PLEKHM3: variants seen among roughly 807,000 people sequenced by gnomAD.
PLEKHM3 encodes the protein pleckstrin homology domain containing M3.
A neutral mutation model predicts 81.8 loss-of-function variants in PLEKHM3; 45 were observed. That is an observed-to-expected ratio of 0.55 (90% CI 0.43 to 0.71). The LOEUF (loss-of-function observed/expected upper bound fraction) is 0.71. Ranked by LOEUF, PLEKHM3 falls within the 30% of genes least tolerant of loss-of-function variation. The pLI is 0.00. For missense variants in PLEKHM3, 788 were observed against 924.3 expected, an observed-to-expected ratio of 0.85 and a Z score of 1.91; for synonymous variants, 352 against 356.4, an observed-to-expected ratio of 0.99 and a Z score of 0.14.
At chr2:207,874,279 A>C (rs982438302) in intron 6 of PLEKHM3, among the ~76,000 whole-genome samples, 9 of 152,076 alleles carry the variant, frequency 5.9e-5, no homozygotes, top group Non-Finnish European at 1.2e-4. Flanking sequence ...CATCTCATAA[A>C]AACTGTATTT....
chr2:207,985,030 T>C (rs551195024), intron 2 of PLEKHM3, among the ~76,000 whole-genome samples: 1 of 152,266 alleles, frequency 6.6e-6, no homozygotes, highest in Non-Finnish European at 1.5e-5. Flanking sequence ...TTGTCCCACT[T>C]CTACGGATGT....
At chr2:207,979,210 G>C (rs201181762) in intron 2 of PLEKHM3, among the ~76,000 whole-genome samples, 1 of 152,162 alleles carries the variant, frequency 6.6e-6, no homozygotes, top group Non-Finnish European at 1.5e-5. Context: ...ATTATCACTT[G>C]AGAGATTTCC....
At chr2:207,866,137 T>A (rs1332315799) in intron 6 of PLEKHM3, among the ~76,000 whole-genome samples, 1 of 151,990 alleles carries the variant, frequency 6.6e-6, no homozygotes, top group Non-Finnish European at 1.5e-5. Flanking sequence ...TCACATACCA[T>A]CTCTTCCCTC....
chr2:208,005,283 T>G (rs1017980641), intron 1 of PLEKHM3, among the ~76,000 whole-genome samples: 1 of 152,230 alleles, frequency 6.6e-6, no homozygotes, highest in Non-Finnish European at 1.5e-5. Flanking sequence ...AAGTCTATAC[T>G]TTTTTCAGAA....
intron 1 of PLEKHM3, among the ~76,000 whole-genome samples, chr2:208,022,009 A>G (rs978071941): frequency 2.6e-5 from 4 of 152,322 alleles, no homozygotes; most frequent in Non-Finnish European, 5.9e-5. Context: ...TTTGAACATT[A>G]ACTTTTAAAA....
At chr2:207,898,098 C>A (rs1052522803) in intron 6 of PLEKHM3, among the ~76,000 whole-genome samples, 6 of 152,190 alleles carry the variant, frequency 3.9e-5, no homozygotes, top group Admixed American at 6.5e-5. Context: ...CTAACACTAA[C>A]CTCCAAATTC....
At chr2:207,954,681 GT>G (rs1690447494) in intron 3 of PLEKHM3, among the ~76,000 whole-genome samples, 2 of 152,188 alleles carry the variant, frequency 1.3e-5, no homozygotes, top group Non-Finnish European at 2.9e-5. Context: ...AGTTATTTGG[GT>G]TTTCCCCCTC....
chr2:207,901,739 C>T (rs1162306487), intron 6 of PLEKHM3, among the ~76,000 whole-genome samples: 1 of 152,210 alleles, frequency 6.6e-6, no homozygotes, highest in Non-Finnish European at 1.5e-5. Flanking sequence ...AACCCACTTG[C>T]TTAAAAGGCA....
chr2:207,910,402 CAGG>C (rs1484510847), intron 5 of PLEKHM3, among the ~76,000 whole-genome samples: 1 of 152,208 alleles, frequency 6.6e-6, no homozygotes, highest in Non-Finnish European at 1.5e-5. Context: ...AGGCAGCCTA[CAGG>C]AGGTCACTGA....
At chr2:208,002,338 T>C (rs1692338516) in intron 1 of PLEKHM3, among the ~76,000 whole-genome samples, 1 of 152,190 alleles carries the variant, frequency 6.6e-6, no homozygotes, top group Non-Finnish European at 1.5e-5. Context: ...AAGTCATAAA[T>C]GCTTGAGTCC....
At position 207,837,761 on chromosome 2, in the gene PLEKHM3, A is replaced by ATTTTTTTTTTTTTTTT. The variant is rs1194861994; in HGVS notation, c.2109-9281_2109-9266dup. ...GCCACGGCGCCTGGCCGGTTCTTCC[A>ATTTTTTTTTTTTTTTT]TTTTTTTTTTTTTTTTTTTTTTTTT... On this transcript the variant is annotated intron_variant, in intron 7 of 7. Transcript: ENST00000427836. Among the ~76,000 whole-genome samples, 4 of 74,738 alleles carry ATTTTTTTTTTTTTTTT rather than the reference A, an allele frequency of 5.4e-5. 2 individuals are homozygous for ATTTTTTTTTTTTTTTT. Among genetic ancestry groups the ATTTTTTTTTTTTTTTT allele is most frequent in the African/African-American group, 1.0e-4 (2 of 19,418 alleles). The allele number at this position is 74,738 out of a possible 152,430, so 49.0% of individuals were successfully genotyped here.
At chr2:207,953,530 C>T (rs569288641) in intron 3 of PLEKHM3, among the ~76,000 whole-genome samples, 11 of 152,204 alleles carry the variant, frequency 7.2e-5, no homozygotes, top group African/African-American at 2.4e-4. Flanking sequence ...TGTGGTGGCT[C>T]ATGCCTATAA....
At chr2:207,884,846 C>T (rs1436454626) in intron 6 of PLEKHM3, among the ~76,000 whole-genome samples, 1 of 152,212 alleles carries the variant, frequency 6.6e-6, no homozygotes, top group East Asian at 1.9e-4. Flanking sequence ...TGCCTACTCC[C>T]AAGGGAACAG....
intron 7 of PLEKHM3, among the ~76,000 whole-genome samples, chr2:207,850,293 G>A (rs562899172): frequency 1.3e-5 from 2 of 152,298 alleles, no homozygotes; most frequent in East Asian, 3.9e-4. Flanking sequence ...CCTACCAGAT[G>A]GAGGATACCA....
chr2:207,992,239 C>A (rs1400738657), intron 2 of PLEKHM3, among the ~76,000 whole-genome samples: 1 of 152,154 alleles, frequency 6.6e-6, no homozygotes, highest in Non-Finnish European at 1.5e-5. Flanking sequence ...AGAATCCTAG[C>A]CCTGCCACAT....
intron 6 of PLEKHM3, among the ~76,000 whole-genome samples, chr2:207,896,783 G>A (rs964450202): frequency 6.6e-6 from 1 of 152,188 alleles, no homozygotes; most frequent in Admixed American, 6.5e-5. Context: ...GGAACATGGC[G>A]TCTCTTTGTT....
At chr2:207,829,782 G>A (rs1209545833) in intron 7 of PLEKHM3, among the ~76,000 whole-genome samples, 3 of 152,162 alleles carry the variant, frequency 2.0e-5, no homozygotes, top group Non-Finnish European at 2.9e-5. Flanking sequence ...GGTTCGAAGA[G>A]GGTTGCGAAG....
At chr2:207,928,446 G>A (rs1176204587) in intron 5 of PLEKHM3, among the ~76,000 whole-genome samples, 1 of 152,214 alleles carries the variant, frequency 6.6e-6, no homozygotes, top group Non-Finnish European at 1.5e-5. Flanking sequence ...TATTTTTAAA[G>A]CCAGATATAA....
At position 207,919,125 on chromosome 2, in the gene PLEKHM3, CTG is replaced by C. The variant is rs535269646; in HGVS notation, c.1887-10550_1887-10549del. 6.6e-5 allele frequency among the ~76,000 whole-genome samples: 10 copies of C among 151,502 alleles called. No individual in the cohort carries two copies. In the East Asian group the frequency reaches 1.9e-3, roughly 29 times the overall value. ...GTTACGAAGCAAGCTTGGTTTCACA[CTG>C]AGAAACAAAACGATAAAAAAAAGAA... On this transcript the variant is annotated intron_variant, in intron 5 of 7. Coordinates refer to ENST00000427836, the MANE Select transcript of PLEKHM3 (RefSeq NM_001080475.3).
Sources: gnomAD v4.1 joint callset for allele counts (sites outside exome capture counted in the v4.1 genomes callset) on GRCh38, gnomAD v4.1.1 for gene constraint, MANE v1.5 for transcripts, NCBI Gene and HGNC (gene_info 2026-07-23, HGNC 2026-07-21) for gene names.